Variants in DAAM2 observed in about 807,000 individuals in gnomAD.
DAAM2 encodes the protein disheveled-associated activator of morphogenesis 2.
A neutral mutation model predicts 120.7 loss-of-function variants in DAAM2; 39 were observed. The observed-to-expected ratio is 0.32, with a 90% CI of 0.25 to 0.42. The LOEUF (loss-of-function observed/expected upper bound fraction) is 0.42. DAAM2 is among the 10% of genes least tolerant of loss of function. The pLI is 1.00. For missense variants in DAAM2, 1,283 were observed against 1,401.7 expected, an observed-to-expected ratio of 0.92 and a Z score of 1.35; for synonymous variants, 488 against 524.9, an observed-to-expected ratio of 0.93 and a Z score of 0.96.
chr6:39,840,911 G>A (rs1387720011), intron 1 of DAAM2, among the ~76,000 whole-genome samples: 1 of 151,514 alleles, frequency 6.6e-6, no homozygotes, highest in Non-Finnish European at 1.5e-5. Flanking sequence ...GAGGAAGGGT[G>A]GCCGGGATGG....
At chr6:39,879,594 G>A (rs778228339) in intron 14 of DAAM2, 117 bp downstream of exon 14, 11 of 1,365,074 alleles carry the variant, frequency 8.1e-6, no homozygotes, top group Middle Eastern at 1.8e-4. Context: ...TTGGTGGGGG[G>A]TAAGGGCAGT....
rs541600992 is a variant in DAAM2 at position 39,900,027 on chromosome 6, G to A, written c.2680-50G>A. On this transcript the variant is annotated intron_variant, in intron 22 of 24. Coordinates refer to ENST00000274867, the MANE Select transcript of DAAM2 (RefSeq NM_001201427.2). Reference sequence around the variant, plus strand: ...GGGAGATGTGGTGACCCCTGCACCCGACTCTCATCTTGGCACCAGTCTAAG... The same window carrying A: ...GGGAGATGTGGTGACCCCTGCACCCAACTCTCATCTTGGCACCAGTCTAAG... The A allele has an allele frequency of 5.7e-5, 90 of 1,569,320 alleles. No homozygotes were observed. The East Asian group carries it at 1.9e-3, about 33-fold the overall frequency.
chr6:39,893,925 C>G (rs1261914086), intron 19 of DAAM2, among the ~76,000 whole-genome samples: 1 of 152,106 alleles, frequency 6.6e-6, no homozygotes, highest in African/African-American at 2.4e-5. Context: ...CCCTCCTATC[C>G]CCAGCAGGGG....
intron 1 of DAAM2, among the ~76,000 whole-genome samples, chr6:39,801,120 C>T (rs758769494): frequency 4.6e-5 from 7 of 152,160 alleles, no homozygotes; most frequent in Admixed American, 2.0e-4. Flanking sequence ...GGCACAGTAC[C>T]TGGAAAAATG....
chr6:39,879,063 G>C (rs1764997236), intron 13 of DAAM2, 115 bp from the exon 14 acceptor site: 2 of 683,790 alleles, frequency 2.9e-6, no homozygotes, highest in Non-Finnish European at 4.9e-6. Context: ...GAAGATAAGG[G>C]TAGGATTTGG....
intron 1 of DAAM2, among the ~76,000 whole-genome samples, chr6:39,797,803 T>C (rs1477066740): frequency 6.6e-6 from 1 of 152,242 alleles, no homozygotes; most frequent in Admixed American, 6.5e-5. Flanking sequence ...GTTCTCCCTG[T>C]ATCCCTGGAG....
chr6:39,859,937 T>C (rs1489364253), intron 2 of DAAM2, among the ~76,000 whole-genome samples: 1 of 152,098 alleles, frequency 6.6e-6, no homozygotes, highest in Non-Finnish European at 1.5e-5. Flanking sequence ...CACTGTTTAT[T>C]GTATTTGAAA....
In DAAM2 at chr6:39,903,854, T is replaced by C; in HGVS notation, c.*1817T>C. ...GGAGGGATCTGAGCAAGTGCAAGCCTGGCTGACACAGGTGTGAAGAGGCCA... is the reference window on the plus strand; with the variant it reads ...GGAGGGATCTGAGCAAGTGCAAGCCCGGCTGACACAGGTGTGAAGAGGCCA... On this transcript the variant is annotated 3_prime_UTR_variant, in exon 25 of 25. Coordinates refer to ENST00000274867, the MANE Select transcript of DAAM2 (RefSeq NM_001201427.2). 3.7e-6 allele frequency: 1 copy of C among 270,002 alleles called. No individual in the cohort carries two copies. 16.7% of individuals were successfully genotyped at this position (270,002 alleles called of 1,614,324 possible). A position where few individuals can be genotyped will look rare whatever the true frequency, so the allele number is the denominator to read the frequency against.
At chr6:39,879,096 G>T in intron 13 of DAAM2, 82 bp from the exon 14 acceptor site, 1 of 892,446 alleles carries the variant, frequency 1.1e-6, no homozygotes. Context: ...AAAGAAACTA[G>T]AAGGAGAGGA....
chr6:39,829,387 G>A (rs2114183302), intron 1 of DAAM2, among the ~76,000 whole-genome samples: 1 of 152,264 alleles, frequency 6.6e-6, no homozygotes, highest in South Asian at 2.1e-4. Flanking sequence ...CTTTTCCCAG[G>A]GTGTACCAAA....
At chr6:39,792,535 C>G (rs1365711457) in intron 1 of DAAM2, 70 bp downstream of exon 1, 1 of 152,152 alleles carries the variant, frequency 6.6e-6, no homozygotes, top group African/African-American at 2.4e-5. Context: ...CCGCTGGGCT[C>G]CCACACTTCT....
Position 39,878,200 on chromosome 6 carries a change from C to T in DAAM2, c.1302-3C>T. 5 of 1,613,962 alleles carry T rather than the reference C, an allele frequency of 3.1e-6. No individual in the cohort carries two copies. The highest frequency in any genetic ancestry group is 4.2e-6 in the Non-Finnish European group (5 of 1,179,850). Reference sequence around the variant, plus strand: ...ATTGCCCCTTCCCTCTATGCCCTGCCAGGCTCATCAACGAGAATGAAGTGA... The same window carrying T: ...ATTGCCCCTTCCCTCTATGCCCTGCTAGGCTCATCAACGAGAATGAAGTGA... On this transcript the variant is annotated splice_region_variant and splice_polypyrimidine_tract_variant and intron_variant, in intron 11 of 24. Transcript: ENST00000274867. The surrounding 1 kb of genome is among the most constrained non-coding windows in gnomAD (Gnocchi z 5.0).
chr6:39,823,580 T>A (rs1762564213), intron 1 of DAAM2, among the ~76,000 whole-genome samples: 1 of 152,174 alleles, frequency 6.6e-6, no homozygotes, highest in Admixed American at 6.5e-5. Context: ...GGGGCCTCCC[T>A]GGAACACTGT....
chr6:39,805,775 A>T (rs530624977), intron 1 of DAAM2, among the ~76,000 whole-genome samples: 6 of 152,200 alleles, frequency 3.9e-5, no homozygotes, highest in Admixed American at 3.3e-4. Flanking sequence ...GATGGTCTCC[A>T]TCTCCTGACC....
Position 39,871,542 on chromosome 6 carries a change from T to C in DAAM2, c.1014T>C (p.Asp338=), listed in dbSNP as rs753755886. 3 of 1,551,236 alleles carry C rather than the reference T, an allele frequency of 1.9e-6. No homozygotes were observed. The highest frequency in any genetic ancestry group is 2.6e-6 in the Non-Finnish European group (3 of 1,147,094). The change falls in exon 9 of 25, where the codon GAT becomes GAC. Residue 338 remains aspartate (D), a synonymous_variant. Coordinates refer to ENST00000274867, the MANE Select transcript of DAAM2 (RefSeq NM_001201427.2). Reference sequence around the variant, plus strand: ...TCTTCGAGATGGTGCGGAATGAGGATGACCTGGAGCTAGCCAGGAGGTTTG... The same window carrying C: ...TCTTCGAGATGGTGCGGAATGAGGACGACCTGGAGCTAGCCAGGAGGTTTG... The part of the protein sequence containing the change: ...LDFFEMVRNE[D]DLELARRFDM...
intron 19 of DAAM2, among the ~76,000 whole-genome samples, chr6:39,893,566 C>A (rs1179279954): frequency 6.6e-6 from 1 of 151,886 alleles, no homozygotes; most frequent in African/African-American, 2.4e-5. Context: ...AGGAAAGAGT[C>A]TCCATTTGAT....
intron 1 of DAAM2, among the ~76,000 whole-genome samples, chr6:39,797,312 C>CA (rs1230209147): frequency 4.6e-5 from 7 of 152,182 alleles, no homozygotes; most frequent in Non-Finnish European, 8.8e-5. Context: ...AATGATGTCA[C>CA]AATGACAGCA....
intron 1 of DAAM2, among the ~76,000 whole-genome samples, chr6:39,853,912 G>A (rs1321405479): frequency 2.6e-5 from 4 of 152,158 alleles, no homozygotes; most frequent in Admixed American, 6.5e-5. Flanking sequence ...AATGGGCAGG[G>A]GACCCCAGGG....
At chr6:39,893,029 C>CT (rs1201184204) in intron 19 of DAAM2, among the ~76,000 whole-genome samples, 7 of 152,250 alleles carry the variant, frequency 4.6e-5, no homozygotes, top group Non-Finnish European at 1.0e-4. Flanking sequence ...TTCTTTCATC[C>CT]TGCTGCAGAC....
Sources: allele counts gnomAD v4.1 joint callset (sites outside exome capture counted in the v4.1 genomes callset), GRCh38; gene constraint gnomAD v4.1.1; non-coding constraint Gnocchi (gnomAD v3.1); transcripts MANE v1.5; gene names NCBI Gene and HGNC (gene_info 2026-07-23, HGNC 2026-07-21).